FNDC3A: variants seen among roughly 807,000 people sequenced by gnomAD.
The protein encoded by FNDC3A is fibronectin type-III domain-containing protein 3A.
In FNDC3A, 32 loss-of-function variants were observed where a neutral mutation model predicts 148.9. The observed-to-expected ratio is 0.21, with a 90% CI of 0.16 to 0.29. The LOEUF (loss-of-function observed/expected upper bound fraction) is 0.29. Ranked by LOEUF, FNDC3A falls within the 10% of genes least tolerant of loss-of-function variation. The pLI, the probability that FNDC3A is intolerant of heterozygous loss-of-function variation, is 1.00. For missense variants in FNDC3A, 1,191 were observed against 1,452.8 expected (o/e 0.82, Z 2.93); for synonymous variants, 472 against 473.6 (o/e 1.00, Z 0.04).
At chr13:49,179,529 C>A (rs1885202309) in intron 14 of FNDC3A, among the ~76,000 whole-genome samples, 2 of 152,118 alleles carry the variant, frequency 1.3e-5, no homozygotes, top group Admixed American at 1.3e-4. Flanking sequence ...TCAATTATTA[C>A]CATGATTGAT....
chr13:49,174,849 A>G (rs1884945544), intron 12 of FNDC3A, among the ~76,000 whole-genome samples: 1 of 152,176 alleles, frequency 6.6e-6, no homozygotes, highest in Admixed American at 6.5e-5. Context: ...TGATGACAGT[A>G]TTTTGTTTAA....
intron 1 of FNDC3A, among the ~76,000 whole-genome samples, chr13:48,991,577 A>G (rs1464693391): frequency 6.6e-6 from 1 of 152,124 alleles, no homozygotes; most frequent in Non-Finnish European, 1.5e-5. Context: ...AGACCCAGCT[A>G]CTAGGAAGGC....
At chr13:49,090,022 A>G (rs1879080664) in intron 3 of FNDC3A, among the ~76,000 whole-genome samples, 1 of 152,164 alleles carries the variant, frequency 6.6e-6, no homozygotes, top group African/African-American at 2.4e-5. Context: ...GTTGCTGCCA[A>G]TGTATGCATG....
chr13:49,108,648 C>T (rs1192876372), intron 3 of FNDC3A, among the ~76,000 whole-genome samples: 1 of 152,146 alleles, frequency 6.6e-6, no homozygotes, highest in African/African-American at 2.4e-5. Flanking sequence ...AATAGAAATA[C>T]AGGCTGTGTG....
intron 19 of FNDC3A, among the ~76,000 whole-genome samples, chr13:49,196,080 CAAAAAAAAAA>C (rs71076070): frequency 8.4e-5 from 6 of 71,602 alleles, no homozygotes; most frequent in African/African-American, 1.9e-4. Flanking sequence ...GACCTTGTCT[CAAAAAAAAAA>C]AAAAAAAAAA....
chr13:49,192,909 G>A (rs1245572514), intron 19 of FNDC3A, among the ~76,000 whole-genome samples: 1 of 152,102 alleles, frequency 6.6e-6, no homozygotes, highest in Non-Finnish European at 1.5e-5. Flanking sequence ...ACTATTTACA[G>A]TTTTATTTTA....
intron 2 of FNDC3A, among the ~76,000 whole-genome samples, chr13:49,027,790 A>G (rs1009438518): frequency 6.6e-6 from 1 of 152,204 alleles, no homozygotes; most frequent in African/African-American, 2.4e-5. Flanking sequence ...GAATTGAGGA[A>G]CAAAAAAGAT....
rs1004631389 is a variant in FNDC3A at position 49,145,903 on chromosome 13, T to A, written c.945T>A (p.Thr315=). The A allele has an allele frequency of 1.2e-6, 2 of 1,612,872 alleles. No homozygotes were observed. Among genetic ancestry groups the A allele is most frequent in the Non-Finnish European group, 1.7e-6 (2 of 1,179,338 alleles). The change falls in exon 8 of 26, where the codon ACT becomes ACA. Residue 315 remains threonine (T), a synonymous_variant. Coordinates refer to ENST00000492622, the MANE Select transcript of FNDC3A (RefSeq NM_001079673.2). ...LYGYEVLISS[T]GKDGKYKSVY... The stretch of plus-strand genomic sequence containing the variant: ...GTTATGAAGTTCTGATCTCAAGTAC[T>A]GGAAAAGATGGGAAATACAAAAGTG...
chr13:49,083,756 T>C (rs962781014), intron 3 of FNDC3A, among the ~76,000 whole-genome samples: 2 of 152,198 alleles, frequency 1.3e-5, no homozygotes. Context: ...GAAGAACAGC[T>C]ATGGCTGTAT....
intron 1 of FNDC3A, among the ~76,000 whole-genome samples, chr13:48,993,808 T>G (rs61950688): frequency 0.06 from 9,072 of 152,268 alleles, 397 homozygotes; most frequent in Middle Eastern, 0.1. Flanking sequence ...AAAAAAATCC[T>G]CATAATATAA....
chr13:49,073,785 A>G (rs1005959900), intron 2 of FNDC3A, among the ~76,000 whole-genome samples: 1 of 146,518 alleles, frequency 6.8e-6, no homozygotes, highest in Non-Finnish European at 1.5e-5. Flanking sequence ...ATATATGTGT[A>G]TATATTATAT....
intron 4 of FNDC3A, among the ~76,000 whole-genome samples, chr13:49,119,319 A>T (rs930331398): frequency 2.0e-5 from 3 of 152,194 alleles, no homozygotes; most frequent in African/African-American, 7.2e-5. Flanking sequence ...AAGAAACACG[A>T]TGTCCACACA....
At chr13:49,114,855 A>G (rs1001698287) in intron 4 of FNDC3A, 124 bp downstream of exon 4, 2 of 730,806 alleles carry the variant, frequency 2.7e-6, no homozygotes, top group South Asian at 3.4e-5. Flanking sequence ...TTGTGTATCT[A>G]TCATAAATCT....
chr13:49,133,695 C>G (rs1482743590), intron 5 of FNDC3A, among the ~76,000 whole-genome samples: 2 of 152,192 alleles, frequency 1.3e-5, no homozygotes, highest in African/African-American at 4.8e-5. Flanking sequence ...AGGCACTATG[C>G]TCACACATGT....
At chr13:49,153,453 T>G (rs925068974) in intron 8 of FNDC3A, among the ~76,000 whole-genome samples, 2 of 151,996 alleles carry the variant, frequency 1.3e-5, no homozygotes, top group African/African-American at 4.8e-5. Context: ...AAAAATTTTC[T>G]CCCATTTTGT....
At chr13:49,194,335 C>G (rs1886043536) in intron 19 of FNDC3A, among the ~76,000 whole-genome samples, 1 of 152,158 alleles carries the variant, frequency 6.6e-6, no homozygotes, top group Non-Finnish European at 1.5e-5. Flanking sequence ...AACTTTTGAA[C>G]TACTAATAAA....
chr13:49,165,297 C>T (rs989488318), intron 8 of FNDC3A, among the ~76,000 whole-genome samples: 14 of 152,180 alleles, frequency 9.2e-5, no homozygotes, highest in Non-Finnish European at 1.8e-4. Flanking sequence ...GCAGTCACTT[C>T]TTTCAATTTT....
At chr13:48,983,751 A>G (rs971771656) in intron 1 of FNDC3A, among the ~76,000 whole-genome samples, 17 of 152,186 alleles carry the variant, frequency 1.1e-4, no homozygotes, top group African/African-American at 3.9e-4. Flanking sequence ...TTAAGCCTTA[A>G]AACATCTCTC....
intron 3 of FNDC3A, among the ~76,000 whole-genome samples, chr13:49,084,827 C>T (rs1331475139): frequency 6.6e-6 from 1 of 152,062 alleles, no homozygotes; most frequent in East Asian, 1.9e-4. Flanking sequence ...ATGTTTTCTC[C>T]TCGTTGTTGC....
Sources: gnomAD v4.1 joint callset for allele counts (sites outside exome capture counted in the v4.1 genomes callset) on GRCh38, gnomAD v4.1.1 for gene constraint, MANE v1.5 for transcripts, NCBI Gene and HGNC (gene_info 2026-07-23, HGNC 2026-07-21) for gene names.